STEAP1B: variants seen among roughly 807,000 people sequenced by gnomAD.
The protein encoded by STEAP1B is STEAP family member 1B.
Under a neutral mutation model 27.9 loss-of-function variants are expected in STEAP1B, and 13 were observed. The observed-to-expected ratio is 0.47, with a 90% CI of 0.30 to 0.74. The LOEUF (loss-of-function observed/expected upper bound fraction) is 0.74. STEAP1B is among the 30% of genes least tolerant of loss of function. The pLI is 0.06. For missense variants in STEAP1B, 250 were observed against 298.7 expected, an observed-to-expected ratio of 0.84 and a Z score of 1.20; for synonymous variants, 86 against 107.1, an observed-to-expected ratio of 0.80 and a Z score of 1.22.
At chr7:22,456,887 G>C (rs1248995793) in intron 4 of STEAP1B, among the ~76,000 whole-genome samples, 1 of 146,204 alleles carries the variant, frequency 6.8e-6, no homozygotes, top group East Asian at 2.0e-4. Context: ...AAGCCCAGCT[G>C]CGTGTAAGAT....
chr7:22,494,687 C>A, intron 2 of STEAP1B, 85 bp downstream of exon 2: 2 of 1,005,362 alleles, frequency 2.0e-6, no homozygotes, highest in Non-Finnish European at 2.8e-6. Flanking sequence ...AAATCACTTT[C>A]ATAACACTAG....
intron 4 of STEAP1B, among the ~76,000 whole-genome samples, chr7:22,469,761 C>T (rs1190398797): frequency 6.6e-6 from 1 of 152,164 alleles, no homozygotes; most frequent in African/African-American, 2.4e-5. Flanking sequence ...AATGTTTACA[C>T]AATGAAAAAC....
intron 4 of STEAP1B, among the ~76,000 whole-genome samples, chr7:22,451,618 T>C (rs1785491263): frequency 1.3e-5 from 2 of 152,208 alleles, no homozygotes; most frequent in Admixed American, 1.3e-4. Flanking sequence ...TTGAATTTTA[T>C]CAAATAATTT....
chr7:22,443,463 C>A (rs898300509), intron 4 of STEAP1B, among the ~76,000 whole-genome samples: 1 of 152,172 alleles, frequency 6.6e-6, no homozygotes. Flanking sequence ...CTCATCTAAG[C>A]AACTTGTAAA....
intron 4 of STEAP1B, among the ~76,000 whole-genome samples, chr7:22,480,080 T>C (rs530306864): frequency 4.1e-4 from 62 of 152,334 alleles, no homozygotes; most frequent in African/African-American, 1.4e-3. Context: ...AGTTCTGTCA[T>C]ACAGTGTTGT....
chr7:22,426,635 C>G (rs893926645), intron 4 of STEAP1B, among the ~76,000 whole-genome samples: 7 of 152,138 alleles, frequency 4.6e-5, no homozygotes, highest in African/African-American at 1.7e-4. Flanking sequence ...GAAGTAGTCC[C>G]CTGGAGAATT....
In STEAP1B at chr7:22,494,838, G is replaced by A. The variant is rs543751768; in HGVS notation, c.18C>T (p.Asp6=). 788 of 1,584,352 alleles carry A rather than the reference G, an allele frequency of 5.0e-4. 7 individuals are homozygous for A. The South Asian group carries it at 8.8e-3, about 18-fold the overall frequency. The change falls in exon 2 of 5, where the codon GAC becomes GAT. Residue 6 remains aspartate (D), a synonymous_variant. Coordinates refer to ENST00000678116, the MANE Select transcript of STEAP1B (RefSeq NM_001382447.1). ...TCCAAATTTCTTCTTGGTTTGTGATGTCTTTTCTGCTTTCCATTAATTCTA... is the reference window on the plus strand; with the variant it reads ...TCCAAATTTCTTCTTGGTTTGTGATATCTTTTCTGCTTTCCATTAATTCTA... The part of the protein sequence containing the change: MESRK[D]ITNQEEIWKM...
intron 4 of STEAP1B, among the ~76,000 whole-genome samples, chr7:22,452,072 A>G (rs1785500113): frequency 1.3e-5 from 2 of 152,362 alleles, no homozygotes; most frequent in South Asian, 4.1e-4. Flanking sequence ...TCCAGTATAA[A>G]GAACTGATAA....
rs561118480 is a variant in STEAP1B, at chr7:22,461,142, T to C, written c.762+31423A>G. Among the ~76,000 whole-genome samples, 29 of 152,340 alleles carry C rather than the reference T, an allele frequency of 1.9e-4. No individual in the cohort carries two copies. The South Asian group carries it at 3.5e-3, about 19-fold the overall frequency. ...GGAACTGCTTACCACTCATTCTGGC[T>C]GTCAAATAGGAACACTAGACTATGA... On this transcript the variant is annotated intron_variant, in intron 4 of 4. Transcript: ENST00000678116.
chr7:22,491,102 T>C (rs926601559), intron 4 of STEAP1B, among the ~76,000 whole-genome samples: 11 of 152,230 alleles, frequency 7.2e-5, no homozygotes, highest in African/African-American at 2.4e-4. Flanking sequence ...TCTGCAGATA[T>C]GTAGTAGTAA....
chr7:22,457,449 A>G (rs1191897000), intron 4 of STEAP1B, among the ~76,000 whole-genome samples: 1 of 152,198 alleles, frequency 6.6e-6, no homozygotes, highest in African/African-American at 2.4e-5. Context: ...AGTAATTAAA[A>G]GGTTAAGGTT....
intron 4 of STEAP1B, among the ~76,000 whole-genome samples, chr7:22,444,966 C>A (rs1323294818): frequency 3.3e-5 from 5 of 152,134 alleles, no homozygotes; most frequent in African/African-American, 1.2e-4. Flanking sequence ...TGGGTCTGTC[C>A]GCGTGGCACA....
intron 4 of STEAP1B, among the ~76,000 whole-genome samples, chr7:22,421,025 A>G (rs1399853488): frequency 6.6e-6 from 1 of 152,220 alleles, no homozygotes; most frequent in Non-Finnish European, 1.5e-5. Context: ...AAGAATAAGA[A>G]AGTTTAAATT....
At chr7:22,488,348 C>A (rs564018993) in intron 4 of STEAP1B, among the ~76,000 whole-genome samples, 1 of 152,338 alleles carries the variant, frequency 6.6e-6, no homozygotes, top group Admixed American at 6.5e-5. Flanking sequence ...AGGGCTTTAT[C>A]ATCTGAGCCA....
chr7:22,455,947 A>G (rs112771365), intron 4 of STEAP1B, among the ~76,000 whole-genome samples: 36,113 of 152,098 alleles, frequency 0.24, 5,631 homozygotes, highest in Non-Finnish European at 0.33. Flanking sequence ...GGAGATCAAG[A>G]CCATCCTGGC....
chr7:22,468,492 T>C (rs1015410373), intron 4 of STEAP1B, among the ~76,000 whole-genome samples: 1 of 152,150 alleles, frequency 6.6e-6, no homozygotes, highest in African/African-American at 2.4e-5. Context: ...TGGCAGCTTT[T>C]TAAAAAGTTG....
chr7:22,439,509 G>T (rs1785300368), intron 4 of STEAP1B, among the ~76,000 whole-genome samples: 1 of 152,058 alleles, frequency 6.6e-6, no homozygotes, highest in East Asian at 1.9e-4. Flanking sequence ...GTCTGACATT[G>T]TTGGGACTGC....
intron 4 of STEAP1B, among the ~76,000 whole-genome samples, chr7:22,450,004 T>C (rs974310363): frequency 2.6e-4 from 39 of 152,212 alleles, no homozygotes; most frequent in Non-Finnish European, 5.0e-4. Flanking sequence ...TTTTTTCCTA[T>C]AGAGTTGTTT....
chr7:22,440,013 C>T (rs1278093157), intron 4 of STEAP1B, among the ~76,000 whole-genome samples: 1 of 152,088 alleles, frequency 6.6e-6, no homozygotes, highest in Non-Finnish European at 1.5e-5. Context: ...CAGCCTACGC[C>T]TTTTGAAATA....
Sources: allele counts gnomAD v4.1 joint callset (sites outside exome capture counted in the v4.1 genomes callset), GRCh38; gene constraint gnomAD v4.1.1; transcripts MANE v1.5; gene names NCBI Gene and HGNC (gene_info 2026-07-23, HGNC 2026-07-21).